The following MYCBP2 variants were observed in gnomAD, a reference collection of about 807,000 sequenced individuals.
MYCBP2 encodes the protein E3 ubiquitin-protein ligase MYCBP2.
MYCBP2 carries 120 observed loss-of-function variants against 525.3 expected under a neutral mutation model. The ratio of observed to expected loss-of-function variants is 0.23; its 90% confidence interval spans 0.20 to 0.27. The LOEUF (loss-of-function observed/expected upper bound fraction) is 0.27. MYCBP2 is among the 10% of genes least tolerant of loss of function. MYCBP2 has a pLI of 1.00. For synonymous variants in MYCBP2, 1,894 were observed against 1,955.8 expected, an observed-to-expected ratio of 0.97 and a Z score of 0.83; for missense variants, 4,149 against 5,657.1, an observed-to-expected ratio of 0.73 and a Z score of 8.55.
At chr13:77,112,802 A>G (rs1440116767) in intron 55 of MYCBP2, among the ~76,000 whole-genome samples, 1 of 151,838 alleles carries the variant, frequency 6.6e-6, no homozygotes, top group East Asian at 1.9e-4. Context: ...TGCATTATTA[A>G]TATTTCTTTC....
intron 80 of MYCBP2, among the ~76,000 whole-genome samples, chr13:77,054,728 G>C (rs191218551): frequency 6.6e-6 from 1 of 151,716 alleles, no homozygotes; most frequent in Admixed American, 6.6e-5. Context: ...AGTCCCCCAA[G>C]TAGCTGGGAC....
At chr13:77,312,360 A>T (rs375578898) in intron 1 of MYCBP2, among the ~76,000 whole-genome samples, 6 of 152,230 alleles carry the variant, frequency 3.9e-5, no homozygotes, top group South Asian at 4.1e-4. Flanking sequence ...TATAAAGTAC[A>T]CATGACTGTC....
chr13:77,162,723 C>A (rs1028878278), intron 43 of MYCBP2, among the ~76,000 whole-genome samples: 1 of 152,060 alleles, frequency 6.6e-6, no homozygotes, highest in Non-Finnish European at 1.5e-5. Flanking sequence ...GTGGTGCGAT[C>A]TCGGCTCACT....
At chr13:77,119,969 A>C (rs2050406469) in intron 55 of MYCBP2, among the ~76,000 whole-genome samples, 1 of 152,172 alleles carries the variant, frequency 6.6e-6, no homozygotes. Flanking sequence ...CATAATAACA[A>C]ATTTTCTCGG....
At chr13:77,281,736 T>C (rs545581206) in intron 3 of MYCBP2, among the ~76,000 whole-genome samples, 1 of 152,314 alleles carries the variant, frequency 6.6e-6, no homozygotes, top group African/African-American at 2.4e-5. Flanking sequence ...AGGTTTTATT[T>C]TGCCCTTCTC....
chr13:77,261,865 A>T (rs1285770369), intron 11 of MYCBP2, among the ~76,000 whole-genome samples, 188 bp downstream of exon 11: 1 of 152,106 alleles, frequency 6.6e-6, no homozygotes, highest in East Asian at 1.9e-4. Context: ...AACTAAGCAC[A>T]ATAAAATGAG....
rs1224613692 is a variant in MYCBP2 at position 77,174,320 on chromosome 13, A to C, written c.5642T>G (p.Leu1881Arg). 1 of 1,614,046 alleles carries C rather than the reference A, an allele frequency of 6.2e-7. No individual in the cohort carries two copies. The highest frequency in any genetic ancestry group is 8.5e-7 in the Non-Finnish European group (1 of 1,179,962). Residue 1881 changes from leucine to arginine, a missense_variant, in exon 37 of 83, where the codon CTC becomes CGC. Physicochemically the swap from Leu to Arg is moderately radical, Grantham distance 102 (BLOSUM62 -2). Around this residue, in one of 21 missense-constraint regions of MYCBP2, gnomAD observed 692 missense variants for 852.7 expected, o/e 0.81. Coordinates refer to ENST00000544440, the MANE Select transcript of MYCBP2 (RefSeq NM_015057.5). ...CTATACATTCACCCACCTATAGTAG[A>C]GTATCTGTGGGATCTGTCCTCTGGT... ...NQTRGQIPQI[L>R]YYRSEFDGDL... is the part of the protein sequence containing the mutation.
At chr13:77,057,146 T>G in intron 78 of MYCBP2, 53 bp from the exon 79 acceptor site, 1 of 1,272,390 alleles carries the variant, frequency 7.9e-7, no homozygotes, top group Non-Finnish European at 1.1e-6. Context: ...GATAAACAGT[T>G]GAGTGACTGG....
chr13:77,058,470 C>G lies in MYCBP2; in HGVS notation c.13141-64G>C. The G allele has an allele frequency of 7.3e-7, 1 of 1,363,346 alleles. No homozygotes were observed. The highest frequency in any genetic ancestry group is 9.8e-7 in the Non-Finnish European group (1 of 1,024,950). 84.5% of individuals were successfully genotyped at this position (1,363,346 alleles called of 1,614,324 possible). ...AAAAGCACACATTCTGGTAATTTTC[C>G]TTATTATATAAATTTCCAAAGATTA... On this transcript the variant is annotated intron_variant, in intron 77 of 82. Transcript: ENST00000544440. This position sits in a 1 kb window ranked among gnomAD's most constrained non-coding sequence, Gnocchi z 4.1.
Position 77,058,947 on chromosome 13 carries a change from T to C in MYCBP2, c.13141-541A>G, listed in dbSNP as rs2038728938. On this transcript the variant is annotated intron_variant, in intron 77 of 82. Coordinates refer to ENST00000544440, the MANE Select transcript of MYCBP2 (RefSeq NM_015057.5). This position sits in a 1 kb window ranked among gnomAD's most constrained non-coding sequence, Gnocchi z 4.1. ...TTGCAGTGAGCCGAGATCGTGCCAC[T>C]GTACTCCAGCCTGGGCGACACAGCC... Among the ~76,000 whole-genome samples the C allele has an allele frequency of 6.6e-6, 1 of 152,142 alleles. No individual in the cohort carries two copies. Among genetic ancestry groups the C allele is most frequent in the Admixed American group, 6.5e-5 (1 of 15,284 alleles).
intron 52 of MYCBP2, among the ~76,000 whole-genome samples, chr13:77,136,975 C>T (rs1199424625): frequency 6.6e-6 from 1 of 152,142 alleles, no homozygotes; most frequent in Admixed American, 6.5e-5. Flanking sequence ...ACTCTCAAGT[C>T]ACTACTACTC....
intron 1 of MYCBP2, among the ~76,000 whole-genome samples, chr13:77,322,457 C>T (rs1003088325): frequency 2.0e-5 from 3 of 152,172 alleles, no homozygotes; most frequent in Non-Finnish European, 4.4e-5. Flanking sequence ...GTCCCCAAAA[C>T]CTTCCATTTC....
chr13:77,321,474 G>A (rs1275183360), intron 1 of MYCBP2, among the ~76,000 whole-genome samples: 4 of 152,156 alleles, frequency 2.6e-5, no homozygotes, highest in East Asian at 1.9e-4. Context: ...AATAAATAAC[G>A]TCTCTTCATA....
rs187586268 is a variant in MYCBP2, at chr13:77,119,601, G to A, written c.8140+1772C>T. 4.6e-4 allele frequency among the ~76,000 whole-genome samples: 70 copies of A among 152,176 alleles called. No individual in the cohort carries two copies. In the East Asian group the frequency reaches 0.013, roughly 28 times the overall value. On this transcript the variant is annotated intron_variant, in intron 55 of 82. Coordinates refer to ENST00000544440, the MANE Select transcript of MYCBP2 (RefSeq NM_015057.5). ...CTTGGACAGTATTAAGAGTTAAAATGGGAACTACTGTTACAGATAATAAAG... is the reference window on the plus strand; with the variant it reads ...CTTGGACAGTATTAAGAGTTAAAATAGGAACTACTGTTACAGATAATAAAG...
chr13:77,318,267 C>A (rs1342022808), intron 1 of MYCBP2, among the ~76,000 whole-genome samples: 1 of 152,120 alleles, frequency 6.6e-6, no homozygotes, highest in Non-Finnish European at 1.5e-5. Flanking sequence ...GAATGAAAAC[C>A]CTTTTATTGG....
At chr13:77,063,889 G>C (rs1440954383) in intron 73 of MYCBP2, among the ~76,000 whole-genome samples, 1 of 152,154 alleles carries the variant, frequency 6.6e-6, no homozygotes, top group African/African-American at 2.4e-5. Context: ...GTCAATAATA[G>C]CAAGATAGCA....
intron 1 of MYCBP2, among the ~76,000 whole-genome samples, chr13:77,318,965 T>C (rs1471773716): frequency 2.0e-5 from 3 of 152,208 alleles, no homozygotes; most frequent in Non-Finnish European, 4.4e-5. Flanking sequence ...AAATGTGGCA[T>C]GAGCTAATGT....
intron 68 of MYCBP2, among the ~76,000 whole-genome samples, chr13:77,071,643 G>A (rs926211330): frequency 1.3e-5 from 2 of 151,924 alleles, no homozygotes; most frequent in African/African-American, 4.8e-5. Context: ...AAGTAAACAA[G>A]CAAAAAACCA....
At chr13:77,233,771 T>C (rs556921403) in intron 17 of MYCBP2, among the ~76,000 whole-genome samples, 10 of 151,982 alleles carry the variant, frequency 6.6e-5, no homozygotes, top group African/African-American at 2.4e-4. Flanking sequence ...CCGAGTTTAC[T>C]ACAAATCATA....
Sources: gnomAD v4.1 joint callset for allele counts (sites outside exome capture counted in the v4.1 genomes callset) on GRCh38, gnomAD v4.1.1 for gene constraint, gnomAD v4.1.1 regional missense constraint, Gnocchi (gnomAD v3.1) non-coding constraint, MANE v1.5 for transcripts, NCBI Gene and HGNC (gene_info 2026-07-23, HGNC 2026-07-21) for gene names.